The following CEMIP2 variants were observed in gnomAD, a reference collection of about 807,000 sequenced individuals.
CEMIP2 encodes the protein cell migration inducing hyaluronidase 2, also known as cell surface hyaluronidase CEMIP2.
Under a neutral mutation model 146.9 loss-of-function variants are expected in CEMIP2, and 79 were observed. The ratio of observed to expected loss-of-function variants is 0.54; its 90% CI spans 0.45 to 0.65. The LOEUF (loss-of-function observed/expected upper bound fraction) is 0.65, where lower values mean the gene tolerates loss of function less well. Ranked by LOEUF, CEMIP2 falls within the 30% of genes least tolerant of loss-of-function variation. The pLI is 0.00. For missense variants in CEMIP2, 1,596 were observed against 1,696.2 expected, an observed-to-expected ratio of 0.94 and a Z score of 1.04; for synonymous variants, 601 against 606.3, an observed-to-expected ratio of 0.99 and a Z score of 0.13.
chr9:71,730,679 G>T (rs370450738), intron 8 of CEMIP2, 26 bp downstream of exon 8: 21 of 1,608,132 alleles, frequency 1.3e-5, no homozygotes, highest in Non-Finnish European at 1.8e-5. Flanking sequence ...CAATAATATG[G>T]GTTGACCTAA....
intron 1 of CEMIP2, among the ~76,000 whole-genome samples, chr9:71,766,307 A>G (rs1232273658): frequency 1.3e-5 from 2 of 152,114 alleles, no homozygotes; most frequent in Non-Finnish European, 2.9e-5. Context: ...TCCCGACCTC[A>G]GGTGATCCAC....
At chr9:71,706,977 C>T (rs918047094) in intron 17 of CEMIP2, among the ~76,000 whole-genome samples, 10 of 152,032 alleles carry the variant, frequency 6.6e-5, no homozygotes, top group Non-Finnish European at 1.3e-4. Context: ...TACACGTGCC[C>T]ACCACCACGC....
intron 5 of CEMIP2, among the ~76,000 whole-genome samples, chr9:71,737,092 G>C (rs1023604119): frequency 4.0e-5 from 6 of 149,648 alleles, no homozygotes; most frequent in Non-Finnish European, 8.9e-5. Context: ...GGAGGTCAAG[G>C]CTGCAGTGAG....
intron 22 of CEMIP2, among the ~76,000 whole-genome samples, chr9:71,688,429 T>G (rs1425327624): frequency 6.6e-6 from 1 of 151,996 alleles, no homozygotes; most frequent in Admixed American, 6.5e-5. Flanking sequence ...CGCGCTCTGT[T>G]GCTCAGGCTG....
chr9:71,754,756 C>A (rs1824371685), intron 1 of CEMIP2, among the ~76,000 whole-genome samples: 1 of 151,862 alleles, frequency 6.6e-6, no homozygotes, highest in Non-Finnish European at 1.5e-5. Context: ...AGTAGTAGCC[C>A]AAAAGGCTTG....
At chr9:71,728,884 T>C (rs1823531131) in intron 10 of CEMIP2, among the ~76,000 whole-genome samples, 1 of 151,450 alleles carries the variant, frequency 6.6e-6, no homozygotes. Flanking sequence ...CGGGCTGGAG[T>C]ACAGTGGCGC....
intron 6 of CEMIP2, among the ~76,000 whole-genome samples, chr9:71,734,141 C>G (rs1406153048): frequency 6.6e-6 from 1 of 152,122 alleles, no homozygotes; most frequent in Non-Finnish European, 1.5e-5. Flanking sequence ...AGCCACTGCT[C>G]CCAGCAAGGA....
In CEMIP2 at chr9:71,728,280, T is replaced by TATGTATATACAC. The variant is rs1491467360; in HGVS notation, c.2049+1564_2049+1565insGTGTATATACAT. 7.9e-4 allele frequency among the ~76,000 whole-genome samples: 10 copies of TATGTATATACAC among 12,642 alleles called. 1 individual carries two copies. Among genetic ancestry groups the TATGTATATACAC allele is most frequent in the African/African-American group, 2.2e-3 (10 of 4,538 alleles). 8.3% of individuals were successfully genotyped at this position (12,642 alleles called of 152,430 possible). A position where few individuals can be genotyped will look rare whatever the true frequency, so the allele number is the denominator to read the frequency against. The stretch of plus-strand genomic sequence containing the variant: ...ATACACGTATATATATATATATATA[T>TATGTATATACAC]GTATATATATATATATATATACATA... On this transcript the variant is annotated intron_variant, in intron 10 of 23. Transcript: ENST00000377044.
intron 1 of CEMIP2, among the ~76,000 whole-genome samples, chr9:71,760,837 T>C (rs1239467764): frequency 6.6e-6 from 1 of 152,168 alleles, no homozygotes; most frequent in African/African-American, 2.4e-5. Context: ...CCCAGAAAAT[T>C]AGAAAAAAGG....
Position 71,690,386 on chromosome 9 carries a change from C to T in CEMIP2, c.3697-140G>A. 4 of 1,133,644 alleles carry T rather than the reference C, an allele frequency of 3.5e-6. No individual in the cohort carries two copies. In the East Asian group the frequency reaches 1.0e-4, roughly 29 times the overall value. 70.2% of individuals were successfully genotyped at this position (1,133,644 alleles called of 1,614,324 possible). On this transcript the variant is annotated intron_variant, in intron 21 of 23. Transcript: ENST00000377044. ...TCCAAGATTCAAATTGTGTGCTTCA[C>T]TTGCTTTTTCCTCACCATCTGAAAT...
At chr9:71,760,550 AAACAAGTCTATGAGAAGTAATGCTTG>A (rs1824601788) in intron 1 of CEMIP2, among the ~76,000 whole-genome samples, 1 of 151,504 alleles carries the variant, frequency 6.6e-6, no homozygotes. Context: ...CAACGATGTT[AAACAAGTCTATGAGAAGTAATGCTTG>A]ACCCTAAAGC....
intron 1 of CEMIP2, among the ~76,000 whole-genome samples, chr9:71,756,325 A>ATG (rs149022632): frequency 6.7e-5 from 10 of 149,730 alleles, no homozygotes; most frequent in East Asian, 3.9e-4. Context: ...GTGCGTGTGT[A>ATG]TGTGTGTGTG....
intron 6 of CEMIP2, among the ~76,000 whole-genome samples, chr9:71,732,722 T>TTTTTTTTG: frequency 1.2e-5 from 1 of 81,852 alleles, no homozygotes; most frequent in Admixed American, 1.7e-4. Context: ...TTTTTTTTTT[T>TTTTTTTTG]GTGAGACGGA....
chr9:71,745,268 C>A lies in CEMIP2; in HGVS notation c.784G>T (p.Asp262Tyr), dbSNP rs1279010950. Reference sequence around the variant, plus strand: ...CTCACATTGAGGCCCCGGGAAAAGTCCTTTTCAAAGGTATAGGACCCAAAG... The same window carrying A: ...CTCACATTGAGGCCCCGGGAAAAGTACTTTTCAAAGGTATAGGACCCAAAG... The part of the protein sequence containing the change: ...LPFGSYTFEK[D>Y]FSRGLNVRVI... Residue 262 changes from aspartate (D) to tyrosine (Y), a missense_variant, in exon 4 of 24, where the codon GAC becomes TAC. By Grantham distance (160) the Asp-to-Tyr change is radical. Coordinates refer to ENST00000377044, the MANE Select transcript of CEMIP2 (RefSeq NM_013390.3). 1.9e-6 allele frequency: 3 copies of A among 1,613,972 alleles called. No individual in the cohort carries two copies. The highest frequency in any genetic ancestry group is 2.2e-5 in the East Asian group (1 of 44,886).
At chr9:71,734,728 G>T in intron 6 of CEMIP2, 78 bp downstream of exon 6, 1 of 1,365,112 alleles carries the variant, frequency 7.3e-7, no homozygotes, top group Non-Finnish European at 1.0e-6. Flanking sequence ...GGTAGTGACT[G>T]AGAGGAAAAA....
chr9:71,728,881 G>C (rs1159880925), intron 10 of CEMIP2, among the ~76,000 whole-genome samples: 3 of 151,790 alleles, frequency 2.0e-5, no homozygotes, highest in Admixed American at 2.0e-4. Context: ...ACCCGGGCTG[G>C]AGTACAGTGG....
intron 12 of CEMIP2, among the ~76,000 whole-genome samples, chr9:71,719,237 T>C (rs1187906818): frequency 6.6e-6 from 1 of 152,198 alleles, no homozygotes; most frequent in Non-Finnish European, 1.5e-5. Context: ...ACCACAGCTG[T>C]TGGCACACAG....
chr9:71,721,269 G>C (rs1823223477), intron 12 of CEMIP2, among the ~76,000 whole-genome samples: 1 of 152,026 alleles, frequency 6.6e-6, no homozygotes, highest in South Asian at 2.1e-4. Flanking sequence ...CTTCTAGATA[G>C]AATTCTTTAT....
intron 1 of CEMIP2, among the ~76,000 whole-genome samples, chr9:71,755,346 T>TACACACACACACACACACACACACACAC (rs34581447): frequency 1.3e-4 from 17 of 134,872 alleles, no homozygotes; most frequent in African/African-American, 3.4e-4. Context: ...ACCCTGTCTC[T>TACACACACACACACACACACACACACAC]ACACACACAC....
Sources: gnomAD v4.1 joint callset for allele counts (sites outside exome capture counted in the v4.1 genomes callset) on GRCh38, gnomAD v4.1.1 for gene constraint, MANE v1.5 for transcripts, NCBI Gene and HGNC (gene_info 2026-07-23, HGNC 2026-07-21) for gene names.